CAMTA1: variants seen among roughly 807,000 people sequenced by gnomAD.
The protein encoded by CAMTA1 is calmodulin-binding transcription activator 1.
Under a neutral mutation model 170.9 loss-of-function variants are expected in CAMTA1, and 27 were observed. The ratio of observed to expected loss-of-function variants is 0.16; its 90% CI spans 0.12 to 0.22. The LOEUF (loss-of-function observed/expected upper bound fraction) is 0.22. CAMTA1 is among the 10% of genes least tolerant of loss of function. The pLI is 1.00. For synonymous variants in CAMTA1, 833 were observed against 891.5 expected (o/e 0.93, Z 1.17); for missense variants, 1,619 against 2,217.2 (o/e 0.73, Z 5.42).
intron 4 of CAMTA1, chr1:7,219,448 C>G (rs1660331203): frequency 6.7e-6 from 1 of 148,750 alleles, no homozygotes; most frequent in Non-Finnish European, 1.5e-5. Flanking sequence ...ATGTGTTGAC[C>G]CTTGTGATTT....
chr1:7,203,322 G>A (rs1489707508), intron 4 of CAMTA1, among the ~76,000 whole-genome samples: 3 of 151,960 alleles, frequency 2.0e-5, no homozygotes, highest in Non-Finnish European at 2.9e-5. Context: ...TAATGTTTTT[G>A]TCTGGTTTTG....
chr1:7,699,545 G>A (rs2096415513), intron 11 of CAMTA1, among the ~76,000 whole-genome samples: 1 of 152,170 alleles, frequency 6.6e-6, no homozygotes, highest in Non-Finnish European at 1.5e-5. Context: ...GGAATGGAAT[G>A]GCTGGGTCAC....
chr1:7,500,794 C>A (rs1427375371), intron 6 of CAMTA1, among the ~76,000 whole-genome samples: 1 of 152,092 alleles, frequency 6.6e-6, no homozygotes, highest in Non-Finnish European at 1.5e-5. Context: ...GGAGCAGAAC[C>A]TCTTTCCTTT....
chr1:6,970,939 C>T lies in CAMTA1; in HGVS notation c.235-120365C>T, dbSNP rs1692415692. On this transcript the variant is annotated intron_variant, in intron 3 of 22. Coordinates refer to ENST00000303635, the MANE Select transcript of CAMTA1 (RefSeq NM_015215.4). This position sits in a 1 kb window ranked among gnomAD's most constrained non-coding sequence, Gnocchi z 4.4. ...TGTGTCTGTTTCCAGCCTCTCCTTT[C>T]CTAAACCAGGCCGGCCCTGTCAGCC... Among the ~76,000 whole-genome samples the T allele has an allele frequency of 2.0e-5, 3 of 152,156 alleles. No homozygotes were observed. In the South Asian group the frequency reaches 6.2e-4, roughly 32 times the overall value.
chr1:6,796,326 T>C (rs1348923170), intron 1 of CAMTA1, among the ~76,000 whole-genome samples: 1 of 151,898 alleles, frequency 6.6e-6, no homozygotes. Flanking sequence ...TTTGCGGAGA[T>C]GGAGTTTCGC....
intron 4 of CAMTA1, among the ~76,000 whole-genome samples, chr1:7,133,349 C>G (rs759610043): frequency 1.3e-5 from 2 of 152,176 alleles, no homozygotes; most frequent in Non-Finnish European, 2.9e-5. Context: ...TTTAAGTTAT[C>G]AAATTCATTG....
At chr1:7,159,352 CG>C (rs1178849533) in intron 4 of CAMTA1, among the ~76,000 whole-genome samples, 1 of 151,974 alleles carries the variant, frequency 6.6e-6, no homozygotes, top group Non-Finnish European at 1.5e-5. Context: ...ACCTCAAGTC[CG>C]GTCACCTTCC....
At chr1:7,630,356 G>T (rs2095660946) in intron 6 of CAMTA1, among the ~76,000 whole-genome samples, 1 of 152,154 alleles carries the variant, frequency 6.6e-6, no homozygotes, top group Non-Finnish European at 1.5e-5. Context: ...TCTAGGATGT[G>T]CCCAGGATTG....
chr1:6,979,946 A>G (rs1021322163), intron 3 of CAMTA1, among the ~76,000 whole-genome samples: 3 of 152,150 alleles, frequency 2.0e-5, no homozygotes, highest in Non-Finnish European at 4.4e-5. Context: ...CTATGTGCGC[A>G]TGAAGACGGG....
chr1:6,800,511 A>G (rs1643626060), intron 1 of CAMTA1, among the ~76,000 whole-genome samples: 1 of 152,228 alleles, frequency 6.6e-6, no homozygotes, highest in Non-Finnish European at 1.5e-5. Context: ...TTGTTCAGAC[A>G]TAGATGAGGG....
chr1:7,587,089 C>T lies in CAMTA1; in HGVS notation c.511-53311C>T, dbSNP rs1024776890. On this transcript the variant is annotated intron_variant, in intron 6 of 22. Coordinates refer to ENST00000303635, the MANE Select transcript of CAMTA1 (RefSeq NM_015215.4). Reference sequence around the variant, plus strand: ...TCAATGCCTAGAATTGTTCCTATTCCCCAGTCATTCTATCTGTCTGTCTGC... The same window carrying T: ...TCAATGCCTAGAATTGTTCCTATTCTCCAGTCATTCTATCTGTCTGTCTGC... 5.3e-5 allele frequency among the ~76,000 whole-genome samples: 8 copies of T among 151,986 alleles called. No individual in the cohort carries two copies. The East Asian group carries it at 1.5e-3, about 29-fold the overall frequency.
intron 1 of CAMTA1, among the ~76,000 whole-genome samples, chr1:6,797,658 A>T (rs1642864206): frequency 1.3e-5 from 2 of 152,090 alleles, no homozygotes; most frequent in African/African-American, 4.8e-5. Flanking sequence ...AAGTGCTGGG[A>T]TTACAGACGT....
intron 4 of CAMTA1, among the ~76,000 whole-genome samples, chr1:7,235,779 T>C (rs1484215311): frequency 1.3e-5 from 2 of 152,186 alleles, no homozygotes; most frequent in African/African-American, 4.8e-5. Flanking sequence ...GGCCGACAAA[T>C]CTATCTAGTC....
intron 6 of CAMTA1, among the ~76,000 whole-genome samples, chr1:7,475,929 A>G (rs2093413427): frequency 6.6e-6 from 1 of 152,220 alleles, no homozygotes; most frequent in Non-Finnish European, 1.5e-5. Flanking sequence ...ACACATGTGC[A>G]GTGAGCAGAG....
Position 7,146,883 on chromosome 1 carries a change from C to T in CAMTA1, c.302+55512C>T, listed in dbSNP as rs1478567894. ...AAGACACAACATGTACACAGACACT[C>T]AAACATATGCCGTGCATACACATAC... On this transcript the variant is annotated intron_variant, in intron 4 of 22. Transcript: ENST00000303635. The surrounding 1 kb of genome is among the most constrained non-coding windows in gnomAD (Gnocchi z 4.3). Among the ~76,000 whole-genome samples, 2 of 151,932 alleles carry T rather than the reference C, an allele frequency of 1.3e-5. No homozygotes were observed. The highest frequency in any genetic ancestry group is 4.8e-5 in the African/African-American group (2 of 41,336).
intron 5 of CAMTA1, among the ~76,000 whole-genome samples, chr1:7,271,213 C>G (rs1293962257): frequency 6.6e-6 from 1 of 152,154 alleles, no homozygotes; most frequent in South Asian, 2.1e-4. Flanking sequence ...AGCTCACTCT[C>G]TCTGTGAGCA....
intron 4 of CAMTA1, among the ~76,000 whole-genome samples, chr1:7,188,025 A>AG (rs1247029611): frequency 6.6e-6 from 1 of 152,194 alleles, no homozygotes; most frequent in Non-Finnish European, 1.5e-5. Context: ...TCATGGTGGA[A>AG]GCTAAGGGGA....
In CAMTA1 at chr1:7,561,148, G is replaced by T. The variant is rs1409421400; in HGVS notation, c.511-79252G>T. ...ATCCAGGCATGGCCAGGGGCTGGCCGAGGGGGGCCGGTGGGTGGTGAATGA... is the reference window on the plus strand; with the variant it reads ...ATCCAGGCATGGCCAGGGGCTGGCCTAGGGGGGCCGGTGGGTGGTGAATGA... On this transcript the variant is annotated intron_variant, in intron 6 of 22. Coordinates refer to ENST00000303635, the MANE Select transcript of CAMTA1 (RefSeq NM_015215.4). This position sits in a 1 kb window ranked among gnomAD's most constrained non-coding sequence, Gnocchi z 5.3. Among the ~76,000 whole-genome samples the T allele has an allele frequency of 1.3e-5, 2 of 152,120 alleles. No homozygotes were observed. The highest frequency in any genetic ancestry group is 1.5e-5 in the Non-Finnish European group (1 of 68,016).
At chr1:7,019,017 A>G (rs1012326893) in intron 3 of CAMTA1, among the ~76,000 whole-genome samples, 1 of 152,136 alleles carries the variant, frequency 6.6e-6, no homozygotes, top group Non-Finnish European at 1.5e-5. Flanking sequence ...GTGCACCTCC[A>G]TCCTGGCAAG....
Sources: gnomAD v4.1 joint callset for allele counts (sites outside exome capture counted in the v4.1 genomes callset) on GRCh38, gnomAD v4.1.1 for gene constraint, Gnocchi (gnomAD v3.1) non-coding constraint, MANE v1.5 for transcripts, NCBI Gene and HGNC (gene_info 2026-07-23, HGNC 2026-07-21) for gene names.